PALD1: variants seen among roughly 807,000 people sequenced by gnomAD.
PALD1 encodes phosphatase domain containing paladin 1, also known as paladin.
Under a neutral mutation model 96.0 loss-of-function variants are expected in PALD1, and 57 were observed. The observed-to-expected ratio is 0.59, with a 90% CI of 0.48 to 0.74. The LOEUF (loss-of-function observed/expected upper bound fraction) is 0.74, where lower values mean the gene tolerates loss of function less well. Among genes scored for constraint, PALD1 ranks in the 30% least tolerant of loss-of-function variants. The probability of loss-of-function intolerance (pLI) is 0.00; values close to 1 mark genes in which losing one functional copy is unlikely to be tolerated. For missense variants in PALD1, 1,063 were observed against 1,143.7 expected (o/e 0.93, Z 1.02); for synonymous variants, 464 against 473.6 (o/e 0.98, Z 0.26).
chr10:70,559,986 G>A (rs1022878533), intron 18 of PALD1, among the ~76,000 whole-genome samples: 16 of 152,324 alleles, frequency 1.1e-4, no homozygotes, highest in South Asian at 1.0e-3. Flanking sequence ...CCCCCAGGGC[G>A]GTGGGGAGAA....
At chr10:70,497,735 TTG>T (rs374050355) in intron 1 of PALD1, among the ~76,000 whole-genome samples, 2,219 of 151,272 alleles carry the variant, frequency 0.015, 37 homozygotes, top group African/African-American at 0.046. Flanking sequence ...CCTGGCTAAT[TTG>T]TGTGTGTGTG....
At chr10:70,481,150 G>A (rs1043872502) in intron 1 of PALD1, among the ~76,000 whole-genome samples, 18 of 152,200 alleles carry the variant, frequency 1.2e-4, no homozygotes, top group African/African-American at 4.1e-4. Flanking sequence ...CAAAAGACTC[G>A]GAGCCACAGG....
At chr10:70,505,668 T>G (rs187610842) in intron 1 of PALD1, among the ~76,000 whole-genome samples, 277 of 152,034 alleles carry the variant, frequency 1.8e-3, no homozygotes, top group Non-Finnish European at 1.3e-3. Context: ...AGAAACTGTC[T>G]GCCAAATACT....
chr10:70,541,304 C>G, intron 16 of PALD1, 62 bp downstream of exon 16: 1 of 1,558,044 alleles, frequency 6.4e-7, no homozygotes, highest in Non-Finnish European at 8.7e-7. Context: ...CACTCAGGTC[C>G]CAGGCACACT....
chr10:70,538,207 C>T, intron 11 of PALD1, 73 bp from the exon 12 acceptor site: 2 of 1,531,186 alleles, frequency 1.3e-6, no homozygotes, highest in Admixed American at 3.4e-5. Flanking sequence ...CTTCCCCTGC[C>T]ATGGTGTGGG....
intron 1 of PALD1, among the ~76,000 whole-genome samples, chr10:70,497,955 C>T (rs753613240): frequency 1.8e-4 from 28 of 152,054 alleles, no homozygotes; most frequent in East Asian, 3.9e-4. Context: ...CCATTTTGGG[C>T]GTTTAAAATT....
intron 1 of PALD1, among the ~76,000 whole-genome samples, chr10:70,506,110 T>A (rs1336461878): frequency 6.6e-6 from 1 of 152,214 alleles, no homozygotes; most frequent in Admixed American, 6.5e-5. Flanking sequence ...TACATGCACT[T>A]CCCGTTTTAT....
At chr10:70,554,298 G>A (rs1049420485) in intron 18 of PALD1, among the ~76,000 whole-genome samples, 5 of 152,056 alleles carry the variant, frequency 3.3e-5, no homozygotes, top group South Asian at 2.1e-4. Context: ...GCGTGGTGGC[G>A]CACACCTGTA....
chr10:70,474,719 A>C (rs1036627877), upstream of PALD1, among the ~76,000 whole-genome samples: 30 of 152,186 alleles, frequency 2.0e-4, no homozygotes, highest in African/African-American at 7.2e-4. Flanking sequence ...TGAATTTGGG[A>C]GTCGGGGGAC....
intron 1 of PALD1, among the ~76,000 whole-genome samples, chr10:70,514,294 G>T (rs11594851): frequency 6.6e-6 from 1 of 152,188 alleles, no homozygotes; most frequent in South Asian, 2.1e-4. Context: ...GCTGCCCCCC[G>T]CAGTGGCAGC....
At chr10:70,505,001 T>C (rs1846357911) in intron 1 of PALD1, among the ~76,000 whole-genome samples, 1 of 152,202 alleles carries the variant, frequency 6.6e-6, no homozygotes, top group Admixed American at 6.5e-5. Context: ...CGTTACGGGA[T>C]TTTGTAATAT....
intron 17 of PALD1, 139 bp from the exon 18 acceptor site, chr10:70,547,167 C>A: frequency 1.4e-6 from 1 of 737,946 alleles, no homozygotes; most frequent in Non-Finnish European, 2.4e-6. Flanking sequence ...AGTCTGAGAA[C>A]TGAGGAGCAG....
intron 1 of PALD1, among the ~76,000 whole-genome samples, chr10:70,505,628 A>G (rs1589182027): frequency 9.8e-6 from 1 of 101,568 alleles, no homozygotes; most frequent in African/African-American, 3.2e-5. Flanking sequence ...ACAAAACAAA[A>G]CAAAACAAAA....
intron 1 of PALD1, among the ~76,000 whole-genome samples, chr10:70,522,452 C>T (rs1046376844): frequency 2.0e-5 from 3 of 152,110 alleles, no homozygotes; most frequent in African/African-American, 4.8e-5. Context: ...CGGGGGCACA[C>T]GTGGTCCCTG....
At position 70,512,168 on chromosome 10, in the gene PALD1, C is replaced by T. The variant is rs12248547; in HGVS notation, c.-29-13755C>T. On this transcript the variant is annotated intron_variant, in intron 1 of 19. Transcript: ENST00000263563. The stretch of plus-strand genomic sequence containing the variant: ...TTTGGAGGGGCCATTCAAACCATAG[C>T]AGTACTGTTAGCCTGTTAGTCACAT... 3.0e-3 allele frequency among the ~76,000 whole-genome samples: 452 copies of T among 152,312 alleles called. 1 individual carries two copies. The highest frequency in any genetic ancestry group is 0.01 in the African/African-American group (434 of 41,572).
At chr10:70,501,451 G>C (rs1846292114) in intron 1 of PALD1, among the ~76,000 whole-genome samples, 1 of 152,198 alleles carries the variant, frequency 6.6e-6, no homozygotes, top group Non-Finnish European at 1.5e-5. Context: ...CCAAGCCATG[G>C]GCCTCTGGTG....
rs757205853 is a variant in PALD1 at position 70,539,259 on chromosome 10, T to TG, written c.1725+13dup. 2 of 1,600,984 alleles carry TG rather than the reference T, an allele frequency of 1.2e-6. No individual in the cohort carries two copies. The highest frequency in any genetic ancestry group is 1.7e-6 in the Non-Finnish European group (2 of 1,174,790). The stretch of plus-strand genomic sequence containing the variant: ...CTGACCAGCTGGAGGTGAGGCCCCC[T>TG]GCCCTCTAGGCACCCCTGCCTCCGA... On this transcript the variant is annotated intron_variant, in intron 14 of 19. Coordinates refer to ENST00000263563, the MANE Select transcript of PALD1 (RefSeq NM_014431.3). The surrounding 1 kb of genome is among the most constrained non-coding windows in gnomAD (Gnocchi z 4.5).
chr10:70,487,883 A>G (rs1377180690), intron 1 of PALD1, among the ~76,000 whole-genome samples: 1 of 151,864 alleles, frequency 6.6e-6, no homozygotes, highest in East Asian at 1.9e-4. Context: ...GCCGGTCACC[A>G]CTCCCACCTT....
At chr10:70,505,147 G>A (rs1277805211) in intron 1 of PALD1, among the ~76,000 whole-genome samples, 2 of 152,188 alleles carry the variant, frequency 1.3e-5, no homozygotes, top group Non-Finnish European at 2.9e-5. Flanking sequence ...AAATCTTTCT[G>A]TTTTCAGCAG....
Sources: gnomAD v4.1 joint callset for allele counts (sites outside exome capture counted in the v4.1 genomes callset) on GRCh38, gnomAD v4.1.1 for gene constraint, Gnocchi (gnomAD v3.1) non-coding constraint, MANE v1.5 for transcripts, NCBI Gene and HGNC (gene_info 2026-07-23, HGNC 2026-07-21) for gene names.